The following ADAMTSL1 variants were observed in gnomAD, a reference collection of about 807,000 sequenced individuals.
ADAMTSL1 encodes the protein ADAMTS like 1.
Under a neutral mutation model 201.8 loss-of-function variants are expected in ADAMTSL1, and 126 were observed. That is an observed-to-expected ratio of 0.62 (90% CI 0.54 to 0.72). ADAMTSL1 has a LOEUF of 0.72. ADAMTSL1 is among the 30% of genes least tolerant of loss of function. ADAMTSL1 has a pLI of 0.00. For synonymous variants in ADAMTSL1, 1,121 were observed against 903.4 expected, an observed-to-expected ratio of 1.24 and a Z score of -4.32; for missense variants, 2,679 against 2,277.8, an observed-to-expected ratio of 1.18 and a Z score of -3.59.
chr9:18,019,969 A>T (rs1820414173), intron 1 of ADAMTSL1, among the ~76,000 whole-genome samples: 2 of 152,162 alleles, frequency 1.3e-5, no homozygotes, highest in South Asian at 4.2e-4. Context: ...TGACTTCCTT[A>T]TGCCTCCTAT....
rs916348830 is a variant in ADAMTSL1 at position 18,910,879 on chromosome 9, G to C, written c.*2331G>C. ...AAGGCTGCTGGCTAATGTGGAAGGA[G>C]GCACTTTCTCCTCTAAAACACAAAA... On this transcript the variant is annotated 3_prime_UTR_variant, in exon 29 of 29. Coordinates refer to ENST00000380548, the MANE Select transcript of ADAMTSL1 (RefSeq NM_001040272.6). The C allele has an allele frequency of 1.3e-5, 2 of 152,196 alleles. No homozygotes were observed. The highest frequency in any genetic ancestry group is 4.8e-5 in the African/African-American group (2 of 41,442). 9.4% of individuals were successfully genotyped at this position (152,196 alleles called of 1,614,324 possible).
intron 2 of ADAMTSL1, among the ~76,000 whole-genome samples, chr9:18,457,640 A>G (rs1820657086): frequency 6.6e-6 from 1 of 152,108 alleles, no homozygotes; most frequent in Non-Finnish European, 1.5e-5. Context: ...GACCAGAAGA[A>G]TTTCTATATG....
At chr9:18,888,747 G>A (rs1829057616) in intron 24 of ADAMTSL1, among the ~76,000 whole-genome samples, 2 of 152,210 alleles carry the variant, frequency 1.3e-5, no homozygotes. Flanking sequence ...AATGAAGGAT[G>A]TGATGGGAAG....
chr9:18,006,255 G>T lies in ADAMTSL1; in HGVS notation c.87+99333G>T, dbSNP rs972994017. 2.6e-5 allele frequency among the ~76,000 whole-genome samples: 4 copies of T among 151,976 alleles called. No individual in the cohort carries two copies. In the South Asian group the frequency reaches 8.3e-4, roughly 31 times the overall value. On this transcript the variant is annotated intron_variant, in intron 1 of 29. Coordinates refer to the ADAMTSL1 transcript ENST00000680146. ...AGAGGTTAATAACTTCAACAGCATA[G>T]AAACATAGTAAAATAATTAGGACAT...
In ADAMTSL1 at chr9:18,298,066, A is replaced by T. The variant is rs143856262; in HGVS notation, c.207+134085A>T. Among the ~76,000 whole-genome samples the T allele has an allele frequency of 1.3e-3, 191 of 152,358 alleles. 1 individual carries two copies. The highest frequency in any genetic ancestry group is 4.4e-3 in the African/African-American group (183 of 41,578). ...CATTCTGCTAACCCATTGTTTGTCA[A>T]TTGGAATCTGCCACAACCAGGCACA... On this transcript the variant is annotated intron_variant, in intron 2 of 29. Coordinates refer to the ADAMTSL1 transcript ENST00000680146.
chr9:18,440,680 G>T (rs138525564), intron 2 of ADAMTSL1, among the ~76,000 whole-genome samples: 4 of 150,960 alleles, frequency 2.6e-5, no homozygotes, highest in Admixed American at 6.6e-5. Context: ...AAAAATTACC[G>T]CAATTTTAAT....
intron 2 of ADAMTSL1, among the ~76,000 whole-genome samples, chr9:18,421,465 A>G (rs1473731001): frequency 6.6e-6 from 1 of 152,214 alleles, no homozygotes; most frequent in Non-Finnish European, 1.5e-5. Flanking sequence ...GGATTCAAAC[A>G]TAGGACAGCA....
chr9:18,630,218 G>A (rs79973232), intron 5 of ADAMTSL1, among the ~76,000 whole-genome samples: 2,074 of 152,178 alleles, frequency 0.014, 19 homozygotes, highest in Non-Finnish European at 0.019. Context: ...TTACTGAGGC[G>A]GGACCTTTCT....
At chr9:18,488,614 T>C (rs1189133058) in intron 1 of ADAMTSL1, among the ~76,000 whole-genome samples, 1 of 152,208 alleles carries the variant, frequency 6.6e-6, no homozygotes, top group Non-Finnish European at 1.5e-5. Flanking sequence ...CAATGGCATG[T>C]ACCTCAAAGG....
chr9:18,792,295 C>A (rs1380077059), intron 19 of ADAMTSL1, among the ~76,000 whole-genome samples: 4 of 152,154 alleles, frequency 2.6e-5, no homozygotes, highest in Non-Finnish European at 4.4e-5. Context: ...TTTAACAATT[C>A]CCTCTGATGA....
intron 1 of ADAMTSL1, among the ~76,000 whole-genome samples, chr9:17,979,147 G>A (rs1563930581): frequency 2.0e-5 from 3 of 152,044 alleles, no homozygotes; most frequent in East Asian, 1.9e-4. Flanking sequence ...ATCTGATAAA[G>A]TCTTCTTTGG....
intron 1 of ADAMTSL1, among the ~76,000 whole-genome samples, chr9:18,099,355 A>AT (rs397893715): frequency 0.017 from 777 of 45,542 alleles, 36 homozygotes; most frequent in Admixed American, 0.019. Flanking sequence ...ATATATATAT[A>AT]TTTTTTTTTT....
intron 2 of ADAMTSL1, among the ~76,000 whole-genome samples, chr9:18,516,236 GAGAA>G (rs746414023): frequency 3.9e-5 from 6 of 152,122 alleles, no homozygotes; most frequent in African/African-American, 9.7e-5. Flanking sequence ...GAGAAAGAGA[GAGAA>G]AGAAAGAAAG....
chr9:18,904,173 A>G (rs1483524997), intron 26 of ADAMTSL1, among the ~76,000 whole-genome samples: 2 of 152,132 alleles, frequency 1.3e-5, no homozygotes, highest in Non-Finnish European at 2.9e-5. Flanking sequence ...CTGCACAATA[A>G]AAAGTTATTT....
Position 18,681,842 on chromosome 9 carries a change from T to TACCG in ADAMTSL1, c.1373_1376dup (p.Val460ProfsTer17). On this transcript the variant is annotated frameshift_variant, in exon 12 of 29. Coordinates refer to ENST00000380548, the MANE Select transcript of ADAMTSL1 (RefSeq NM_001040272.6). LOFTEE classifies it high-confidence loss of function. Reference sequence around the variant, plus strand: ...AGTGACATGTGGCCAGGGCCTCAGATACCGTGTGGTCCTCTGCATCGACCA... The same window carrying TACCG: ...AGTGACATGTGGCCAGGGCCTCAGATACCGACCGTGTGGTCCTCTGCATCGACCA... 6 of 1,613,670 alleles carry TACCG rather than the reference T, an allele frequency of 3.7e-6. No individual in the cohort carries two copies. The highest frequency in any genetic ancestry group is 5.1e-6 in the Non-Finnish European group (6 of 1,179,686).
At chr9:17,920,748 A>G (rs7848357) in intron 1 of ADAMTSL1, among the ~76,000 whole-genome samples, 91,721 of 152,126 alleles carry the variant, frequency 0.6, 29,332 homozygotes, top group Non-Finnish European at 0.69. Flanking sequence ...AATAGTGTAA[A>G]TGTTTTAGGC....
chr9:18,262,718 C>A (rs1831971024), intron 2 of ADAMTSL1, among the ~76,000 whole-genome samples: 1 of 152,092 alleles, frequency 6.6e-6, no homozygotes, highest in Non-Finnish European at 1.5e-5. Flanking sequence ...AGGAAAAGAC[C>A]AAGGGAATTC....
chr9:18,775,637 C>CTTTTCCAAGCAAATTTCTCATATT, intron 17 of ADAMTSL1, 106 bp from the exon 18 acceptor site: 1 of 1,433,770 alleles, frequency 7.0e-7, no homozygotes, highest in Non-Finnish European at 9.5e-7. Context: ...GTGGTTATTG[C>CTTTTCCAAGCAAATTTCTCATATT]TTTTCCAAGC....
rs186733786 is a variant in ADAMTSL1, at chr9:18,508,078, G to A, written c.191+3122G>A. ...CGGGTGCTTATAATTGCAGCTGCTA[G>A]GGAGGCTGAGGCAGGAGAATCGCTT... On this transcript the variant is annotated intron_variant, in intron 2 of 28. Transcript: ENST00000380548. 2.4e-4 allele frequency among the ~76,000 whole-genome samples: 37 copies of A among 152,180 alleles called. No homozygotes were observed. In the East Asian group the frequency reaches 4.4e-3, roughly 18 times the overall value.
Sources: allele counts gnomAD v4.1 joint callset (sites outside exome capture counted in the v4.1 genomes callset), GRCh38; gene constraint gnomAD v4.1.1; transcripts MANE v1.5; gene names NCBI Gene and HGNC (gene_info 2026-07-23, HGNC 2026-07-21).